The following PREX1 variants were observed in gnomAD, a reference collection of about 807,000 sequenced individuals.
PREX1 encodes phosphatidylinositol 3,4,5-trisphosphate-dependent Rac exchanger 1 protein.
Under a neutral mutation model 198.3 loss-of-function variants are expected in PREX1, and 41 were observed. The ratio of observed to expected loss-of-function variants is 0.21; its 90% CI spans 0.16 to 0.27. The LOEUF (loss-of-function observed/expected upper bound fraction) is 0.27, where lower values mean the gene tolerates loss of function less well. PREX1 is among the 10% of genes least tolerant of loss of function. The pLI, the probability that PREX1 is intolerant of heterozygous loss-of-function variation, is 1.00. For missense variants in PREX1, 1,620 were observed against 2,200.7 expected, an observed-to-expected ratio of 0.74 and a Z score of 5.28; for synonymous variants, 843 against 887.2, an observed-to-expected ratio of 0.95 and a Z score of 0.89.
chr20:48,783,067 G>A (rs1210353768), intron 1 of PREX1, among the ~76,000 whole-genome samples: 2 of 152,310 alleles, frequency 1.3e-5, no homozygotes, highest in East Asian at 1.9e-4. Context: ...CACCAGCTGC[G>A]TGACCTTGGG....
rs374568895 is a variant in PREX1 at position 48,705,287 on chromosome 20, G to A, written c.783+2973C>T. On this transcript the variant is annotated intron_variant, in intron 6 of 39. Coordinates refer to ENST00000371941, the MANE Select transcript of PREX1 (RefSeq NM_020820.4). ...TCCTTGTGCTCAGCAAAATGGATTC[G>A]TGGATTCACTTATCTGGTTTTATCT... Among the ~76,000 whole-genome samples the A allele has an allele frequency of 4.0e-4, 61 of 152,334 alleles. No individual in the cohort carries two copies. In the South Asian group the frequency reaches 0.012, roughly 30 times the overall value.
At chr20:48,668,545 G>C (rs932248240) in intron 14 of PREX1, among the ~76,000 whole-genome samples, 1 of 152,172 alleles carries the variant, frequency 6.6e-6, no homozygotes, top group Non-Finnish European at 1.5e-5. Context: ...GAGAGGCCCC[G>C]CCTGTACCCT....
rs551389821 is a variant in PREX1 at position 48,638,780 on chromosome 20, G to A, written c.3904+986C>T. 8.5e-5 allele frequency among the ~76,000 whole-genome samples: 13 copies of A among 152,320 alleles called. No individual in the cohort carries two copies. In the South Asian group the frequency reaches 1.0e-3, roughly 12 times the overall value. ...ACTCATTTAATCCTCCTGACCACAC[G>A]GGAAGGAGGCAGCACTGTGGGCCCA... On this transcript the variant is annotated intron_variant, in intron 30 of 39. Coordinates refer to ENST00000371941, the MANE Select transcript of PREX1 (RefSeq NM_020820.4).
intron 5 of PREX1, among the ~76,000 whole-genome samples, chr20:48,719,168 C>T (rs941126507): frequency 9.2e-5 from 14 of 152,202 alleles, no homozygotes; most frequent in Admixed American, 2.6e-4. Flanking sequence ...AGTTGGACTT[C>T]CGAATTCACT....
chr20:48,646,878 T>C, intron 25 of PREX1, among the ~76,000 whole-genome samples: 1 of 152,198 alleles, frequency 6.6e-6, no homozygotes, highest in Non-Finnish European at 1.5e-5. Context: ...AGACTCTGTT[T>C]CCTCATATGT....
intron 4 of PREX1, among the ~76,000 whole-genome samples, chr20:48,727,137 G>T (rs1487620975): frequency 6.6e-6 from 1 of 152,200 alleles, no homozygotes; most frequent in Non-Finnish European, 1.5e-5. Context: ...TCCAGTGGGG[G>T]TTCCCTCTGT....
At chr20:48,632,789 T>A in intron 33 of PREX1, 150 bp from the exon 34 acceptor site, 1 of 807,122 alleles carries the variant, frequency 1.2e-6, no homozygotes, top group Non-Finnish European at 1.9e-6. Context: ...TCTACAGGGG[T>A]AGCCTCAGAC....
chr20:48,662,882 C>T (rs1035574680), intron 15 of PREX1, among the ~76,000 whole-genome samples: 3 of 152,212 alleles, frequency 2.0e-5, no homozygotes, highest in Admixed American at 6.5e-5. Flanking sequence ...GCAGAATGTC[C>T]ACAGCCAGCA....
chr20:48,765,630 G>C (rs950351899), intron 1 of PREX1, among the ~76,000 whole-genome samples: 13 of 152,212 alleles, frequency 8.5e-5, no homozygotes, highest in African/African-American at 3.1e-4. Flanking sequence ...TGCAGAGGAG[G>C]AGGACGGAGC....
Position 48,792,817 on chromosome 20 carries a change from TACAC to T in PREX1, c.219+34821_219+34824del, listed in dbSNP as rs372512250. ...AAGCCAGATACAAAAAAAAAAAAAA[TACAC>T]ACACACACACACACACACACACACA... On this transcript the variant is annotated intron_variant, in intron 1 of 39. Transcript: ENST00000371941. Among the ~76,000 whole-genome samples the T allele has an allele frequency of 3.9e-3, 439 of 113,540 alleles. 1 individual carries two copies. The highest frequency in any genetic ancestry group is 9.2e-3 in the Middle Eastern group (2 of 218). The allele number at this position is 113,540 out of a possible 152,430, so 74.5% of individuals were successfully genotyped here.
chr20:48,708,488 G>A, intron 5 of PREX1, 67 bp from the exon 6 acceptor site: 1 of 1,530,708 alleles, frequency 6.5e-7, no homozygotes, highest in Non-Finnish European at 8.9e-7. Context: ...ACCCAGGCCA[G>A]AGCTGAACCC....
intron 27 of PREX1, chr20:48,642,884 T>G (rs2089424807): frequency 5.7e-6 from 1 of 174,584 alleles, no homozygotes; most frequent in Non-Finnish European, 1.2e-5. Context: ...CAGTTGACTA[T>G]CTTATGTGAT....
intron 10 of PREX1, among the ~76,000 whole-genome samples, chr20:48,686,282 C>T (rs1449749863): frequency 6.6e-6 from 1 of 152,128 alleles, no homozygotes; most frequent in Non-Finnish European, 1.5e-5. Flanking sequence ...AGTAGCGGGA[C>T]CCTGGCGGGG....
chr20:48,734,629 C>T lies in PREX1; in HGVS notation c.436G>A (p.Glu146Lys), dbSNP rs770434005. The T allele has an allele frequency of 1.9e-6, 3 of 1,613,962 alleles. No homozygotes were observed. In the African/African-American group the frequency reaches 4.0e-5, roughly 22 times the overall value. ...LKFKDKFCVYEEYCSNHEKAL... is the reference protein window; with the variant it reads ...LKFKDKFCVYKEYCSNHEKAL... ...TTCTCATGGTTGCTGCAATACTCCT[C>T]GTACACGCAGAACTTGTCCTTCTGC... The change falls in exon 4 of 40, where the codon GAG (glutamate) becomes AAG (lysine). Residue 146 changes from glutamate to lysine, a missense_variant. Glu to Lys is a moderately conservative substitution (Grantham distance 56). Coordinates refer to ENST00000371941, the MANE Select transcript of PREX1 (RefSeq NM_020820.4).
chr20:48,757,354 AC>A (rs752701982), intron 1 of PREX1, among the ~76,000 whole-genome samples: 1 of 152,176 alleles, frequency 6.6e-6, no homozygotes, highest in Non-Finnish European at 1.5e-5. Context: ...TGGACCTAGA[AC>A]CGTGCTGGAC....
chr20:48,629,648 G>C (rs746971469), intron 36 of PREX1, 27 bp from the exon 37 acceptor site: 2 of 1,606,214 alleles, frequency 1.2e-6, no homozygotes, highest in South Asian at 1.1e-5. Context: ...ACATAACCGG[G>C]GAGTTGGAGG....
At chr20:48,627,686 G>A in intron 38 of PREX1, 71 bp from the exon 39 acceptor site, 2 of 1,514,348 alleles carry the variant, frequency 1.3e-6, no homozygotes, top group Non-Finnish European at 9.2e-7. Flanking sequence ...CTGGGGGGTG[G>A]GGGTGGGGCC....
chr20:48,763,134 T>G (rs1277962975), intron 1 of PREX1, among the ~76,000 whole-genome samples: 1 of 152,258 alleles, frequency 6.6e-6, no homozygotes, highest in African/African-American at 2.4e-5. Flanking sequence ...GTGAATTATA[T>G]CTCACACTAT....
At chr20:48,660,672 G>A (rs190071622) in intron 15 of PREX1, among the ~76,000 whole-genome samples, 1 of 151,800 alleles carries the variant, frequency 6.6e-6, no homozygotes, top group Non-Finnish European at 1.5e-5. Context: ...ACCTCCATTC[G>A]ATAACAACTC....
Sources: allele counts gnomAD v4.1 joint callset (sites outside exome capture counted in the v4.1 genomes callset), GRCh38; gene constraint gnomAD v4.1.1; transcripts MANE v1.5; gene names NCBI Gene and HGNC (gene_info 2026-07-23, HGNC 2026-07-21).